NOTCH2: variants seen among roughly 807,000 people sequenced by gnomAD.
The protein encoded by NOTCH2 is notch receptor 2.
A neutral mutation model predicts 235.8 loss-of-function variants in NOTCH2; 29 were observed. The ratio of observed to expected loss-of-function variants is 0.12; its 90% CI spans 0.09 to 0.17. NOTCH2 has a LOEUF of 0.17. Among genes scored for constraint, NOTCH2 ranks in the 10% least tolerant of loss-of-function variants. The pLI is 1.00. For missense variants in NOTCH2, 2,285 were observed against 3,150.2 expected (o/e 0.73, Z 6.57); for synonymous variants, 1,086 against 1,141.5 (o/e 0.95, Z 0.98).
intron 1 of NOTCH2, among the ~76,000 whole-genome samples, chr1:120,037,594 A>T (rs1346057748): frequency 2.0e-5 from 3 of 151,934 alleles, no homozygotes; most frequent in African/African-American, 7.2e-5. Flanking sequence ...GGAAGCTTCA[A>T]ATCCCAAGTG....
intron 4 of NOTCH2, among the ~76,000 whole-genome samples, chr1:119,988,770 C>T (rs1426110293): frequency 6.6e-6 from 1 of 152,170 alleles, no homozygotes; most frequent in Non-Finnish European, 1.5e-5. Context: ...GGTCAATGAT[C>T]ATCCTCCCCT....
chr1:119,967,803 T>C (rs888744183), intron 7 of NOTCH2, among the ~76,000 whole-genome samples, 182 bp from the exon 8 acceptor site: 42 of 152,256 alleles, frequency 2.8e-4, no homozygotes, highest in Admixed American at 1.8e-3. Flanking sequence ...TCAACTGTTA[T>C]GCATTTCTGC....
At chr1:119,968,797 T>C (rs1305900568) in intron 6 of NOTCH2, among the ~76,000 whole-genome samples, 4 of 152,204 alleles carry the variant, frequency 2.6e-5, no homozygotes, top group Non-Finnish European at 4.4e-5. Flanking sequence ...TCCTGTTTTA[T>C]ATAGTTCACA....
chr1:119,955,285 C>A (rs1397838842), intron 12 of NOTCH2, 53 bp from the exon 13 acceptor site: 6 of 1,566,382 alleles, frequency 3.8e-6, no homozygotes, highest in Admixed American at 3.3e-5. Flanking sequence ...AGGAAATAGA[C>A]CCAGAACTAT....
intron 1 of NOTCH2, among the ~76,000 whole-genome samples, chr1:120,060,647 T>C (rs1655283979): frequency 6.6e-6 from 1 of 150,890 alleles, no homozygotes; most frequent in South Asian, 2.1e-4. Flanking sequence ...AAAAAAATCT[T>C]GTAAAGGTGC....
chr1:119,935,525 G>T lies in NOTCH2; in HGVS notation c.3602C>A (p.Thr1201Asn), dbSNP rs782690681. ...GAAATGGTTCACAAGGTCAATACAGGTGCCTCCATTCTGGCAGGGCTGATT... is the reference window on the plus strand; with the variant it reads ...GAAATGGTTCACAAGGTCAATACAGTTGCCTCCATTCTGGCAGGGCTGATT... ...CQNQPCQNGG[T>N]CIDLVNHFKC... The change falls in exon 22 of 34, where the codon ACC (threonine) becomes AAC (asparagine). Residue 1201 changes from threonine (T) to asparagine (N), a missense_variant. By Grantham distance (65) the Thr-to-Asn change is moderately conservative (BLOSUM62 0). Transcript: ENST00000256646. 1 of 1,614,168 alleles carries T rather than the reference G, an allele frequency of 6.2e-7. No homozygotes were observed. The highest frequency in any genetic ancestry group is 1.7e-5 in the Admixed American group (1 of 60,020).
intron 11 of NOTCH2, among the ~76,000 whole-genome samples, chr1:119,960,425 T>G (rs1266092106): frequency 2.0e-5 from 3 of 151,184 alleles, no homozygotes; most frequent in Non-Finnish European, 4.4e-5. Flanking sequence ...ACAATCATTA[T>G]TGTTACCATT....
Position 119,925,578 on chromosome 1 carries a change from A to T in NOTCH2, c.4238T>A (p.Leu1413His), listed in dbSNP as rs41313282. ...AGGGGTGCTGGGGGGTGCCGTGTAGAGTTCACAGCGGCTACCCGAGAATGG... is the reference window on the plus strand; with the variant it reads ...AGGGGTGCTGGGGGGTGCCGTGTAGTGTTCACAGCGGCTACCCGAGAATGG... ...APPFSGSRCE[L>H]YTAPPSTPPA... Residue 1413 changes from leucine (L) to histidine (H), a missense_variant, in exon 25 of 34, where the codon CTC becomes CAC. Transcript: ENST00000256646. 4.7e-3 allele frequency: 7,569 copies of T among 1,614,042 alleles called. 25 individuals are homozygous for T. Among genetic ancestry groups the T allele is most frequent in the Non-Finnish European group, 5.6e-3 (6,615 of 1,180,006 alleles).
In NOTCH2 at chr1:119,915,320, G is replaced by C. The variant is rs2101140994; in HGVS notation, c.7402C>G (p.Gln2468Glu). Residue 2468 changes from glutamine (Q) to glutamate (E), a missense_variant, in exon 34 of 34, where the codon CAG becomes GAG. Physicochemically the swap from Gln to Glu is conservative, Grantham distance 29 (BLOSUM62 2). Coordinates refer to ENST00000256646, the MANE Select transcript of NOTCH2 (RefSeq NM_024408.4). ...GGTGGACTCTCTCACGCATAAACCT[G>C]CATGTTGTTGTGTGGTGGCTCAGAC... ...HMSEPPHNNM[Q>E]VYA 6.2e-7 allele frequency: 1 copy of C among 1,613,546 alleles called. No homozygotes were observed. The highest frequency in any genetic ancestry group is 1.1e-5 in the South Asian group (1 of 91,058).
chr1:120,027,042 C>T (rs1207847967), intron 2 of NOTCH2, among the ~76,000 whole-genome samples: 1 of 143,198 alleles, frequency 7.0e-6, no homozygotes, highest in African/African-American at 2.6e-5. Flanking sequence ...AGCTCCGCCT[C>T]CTGGGTTCAG....
At chr1:120,040,765 C>T (rs1400967708) in intron 1 of NOTCH2, among the ~76,000 whole-genome samples, 15 of 149,896 alleles carry the variant, frequency 1.0e-4, no homozygotes, top group African/African-American at 3.2e-4. Flanking sequence ...CGGCCAGGCG[C>T]GGTGGCTCAT....
chr1:119,919,302 T>A lies in NOTCH2; in HGVS notation c.5781+10A>T, dbSNP rs369586235. 2 of 1,608,074 alleles carry A rather than the reference T, an allele frequency of 1.2e-6. No homozygotes were observed. Among genetic ancestry groups the A allele is most frequent in the Non-Finnish European group, 8.5e-7 (1 of 1,178,630 alleles). On this transcript the variant is annotated intron_variant, in intron 31 of 33. Coordinates refer to ENST00000256646, the MANE Select transcript of NOTCH2 (RefSeq NM_024408.4). The stretch of plus-strand genomic sequence containing the variant: ...ATTATTATTCAAGTGACTCTTCTCA[T>A]GTTCTTTACCTGGAAGACACCTTGG...
rs782691331 is a variant in NOTCH2, at chr1:119,955,222, A to C, written c.2037T>G (p.Cys679Trp). The C allele has an allele frequency of 6.2e-7, 1 of 1,614,110 alleles. No individual in the cohort carries two copies. The change falls in exon 13 of 34, where the codon TGT becomes TGG. Residue 679 changes from cysteine to tryptophan, a missense_variant. Cys to Trp is a radical substitution (Grantham distance 215). Transcript: ENST00000256646. Reference protein sequence around the residue: ...VCSPGFTGQRCNIDIDECASN... With the variant: ...VCSPGFTGQRWNIDIDECASN... Reference sequence around the variant, plus strand: ...AGGCACACTCATCAATGTCAATGTTACATCTCTGCCCTGTGGAGAAGGGGG... The same window carrying C: ...AGGCACACTCATCAATGTCAATGTTCCATCTCTGCCCTGTGGAGAAGGGGG...
chr1:120,037,866 A>C (rs1424718210), intron 1 of NOTCH2, among the ~76,000 whole-genome samples: 1 of 152,008 alleles, frequency 6.6e-6, no homozygotes, highest in Non-Finnish European at 1.5e-5. Flanking sequence ...GCTTTTCAAA[A>C]ACTGAAAATA....
Position 119,986,833 on chromosome 1 carries a change from C to G in NOTCH2, c.874+127G>C, listed in dbSNP as rs587634063. 192 of 1,171,768 alleles carry G rather than the reference C, an allele frequency of 1.6e-4. 4 individuals are homozygous for G. The highest frequency in any genetic ancestry group is 1.3e-3 in the South Asian group (101 of 78,294). The allele number at this position is 1,171,768 out of a possible 1,614,324, so 72.6% of individuals were successfully genotyped here. On this transcript the variant is annotated intron_variant, in intron 5 of 33. Transcript: ENST00000256646. ...ATAAGCAATGATCTAGCATGGAGAT[C>G]CTGCTCAGTTCACATACTGGTTCCA... is the stretch of plus-strand genomic sequence containing the variant.
Position 119,928,916 on chromosome 1 carries a change from A to C in NOTCH2, c.3892+60T>G, listed in dbSNP as rs201799644. On this transcript the variant is annotated intron_variant, in intron 23 of 33. Transcript: ENST00000256646. ...GGTCTGGGACAACTCACAGGGCCCA[A>C]TTTGTTCACTAAAACCATCCTCCAA... The C allele has an allele frequency of 2.1e-6, 3 of 1,438,026 alleles. No individual in the cohort carries two copies. In the South Asian group the frequency reaches 3.4e-5, roughly 16 times the overall value. 89.1% of individuals were successfully genotyped at this position (1,438,026 alleles called of 1,614,324 possible).
In NOTCH2 at chr1:119,925,733, G is replaced by A. The variant is rs1649452275; in HGVS notation, c.4083C>T (p.Ala1361=). The change falls in exon 25 of 34, where the codon GCC becomes GCT. Residue 1361 remains alanine, a synonymous_variant. Coordinates refer to ENST00000256646, the MANE Select transcript of NOTCH2 (RefSeq NM_024408.4). ...CRKGEQCVHT[A]SGPRCFCPSP... is the part of the protein sequence containing the mutation. ...TGGGGCAGAAGCAGCGGGGTCCAGA[G>A]GCGGTGTGCACACACTGCTCCCCCT... 4 of 1,614,040 alleles carry A rather than the reference G, an allele frequency of 2.5e-6. No individual in the cohort carries two copies. The highest frequency in any genetic ancestry group is 2.5e-6 in the Non-Finnish European group (3 of 1,179,982).
chr1:119,933,326 TTA>T (rs1208296989), intron 22 of NOTCH2, among the ~76,000 whole-genome samples: 1 of 152,132 alleles, frequency 6.6e-6, no homozygotes, highest in Admixed American at 6.5e-5. Context: ...AACAATGGGG[TTA>T]TGGGACTTGA....
At chr1:119,943,340 G>T (rs1553196686) in intron 17 of NOTCH2, among the ~76,000 whole-genome samples, 3 of 152,090 alleles carry the variant, frequency 2.0e-5, no homozygotes, top group Admixed American at 6.5e-5. Flanking sequence ...TTAAGGCTGG[G>T]GGAAGAACCA....
Sources: allele counts gnomAD v4.1 joint callset (sites outside exome capture counted in the v4.1 genomes callset), GRCh38; gene constraint gnomAD v4.1.1; transcripts MANE v1.5; gene names NCBI Gene and HGNC (gene_info 2026-07-23, HGNC 2026-07-21).